KDM3A: variants seen among roughly 807,000 people sequenced by gnomAD.
KDM3A encodes lysine demethylase 3A, also known as lysine-specific demethylase 3A.
A neutral mutation model predicts 158.0 loss-of-function variants in KDM3A; 60 were observed. The observed-to-expected ratio is 0.38, with a 90% CI of 0.31 to 0.47. The LOEUF (loss-of-function observed/expected upper bound fraction) is 0.47. Ranked by LOEUF, KDM3A falls within the 20% of genes least tolerant of loss-of-function variation. KDM3A has a pLI of 0.99. For missense variants in KDM3A, 1,319 were observed against 1,574.3 expected, an observed-to-expected ratio of 0.84 and a Z score of 2.74; for synonymous variants, 608 against 549.3, an observed-to-expected ratio of 1.11 and a Z score of -1.49.
intron 2 of KDM3A, chr2:86,442,518 C>T: frequency 6.8e-6 from 2 of 293,552 alleles, no homozygotes; most frequent in South Asian, 6.8e-5. Flanking sequence ...CTCATCTTTA[C>T]TGCAGAGGAG....
chr2:86,454,682 C>T (rs1672612143), intron 4 of KDM3A, among the ~76,000 whole-genome samples: 1 of 151,864 alleles, frequency 6.6e-6, no homozygotes, highest in Non-Finnish European at 1.5e-5. Flanking sequence ...TGTGTCATAT[C>T]TGTGTTTTTT....
chr2:86,450,051 A>G (rs1672376756), intron 3 of KDM3A, 89 bp downstream of exon 3: 1 of 1,325,830 alleles, frequency 7.5e-7, no homozygotes, highest in Non-Finnish European at 1.0e-6. Context: ...GTAATGCCAG[A>G]AAGTCAGAAA....
chr2:86,482,769 C>T, intron 18 of KDM3A, 75 bp downstream of exon 18: 1 of 1,365,848 alleles, frequency 7.3e-7, no homozygotes, highest in South Asian at 1.2e-5. Context: ...TCTGACAACC[C>T]CACCCCAGGC....
intron 10 of KDM3A, among the ~76,000 whole-genome samples, chr2:86,467,665 T>C (rs1417611183): frequency 6.6e-6 from 1 of 152,224 alleles, no homozygotes; most frequent in African/African-American, 2.4e-5. Context: ...GGTTTAGAGC[T>C]ATTAGAATTT....
intron 5 of KDM3A, among the ~76,000 whole-genome samples, chr2:86,456,152 ATAG>A (rs1390493451): frequency 2.6e-5 from 4 of 151,952 alleles, no homozygotes; most frequent in African/African-American, 7.3e-5. Flanking sequence ...ATTATCAGAC[ATAG>A]TATTTTTGTT....
intron 12 of KDM3A, among the ~76,000 whole-genome samples, chr2:86,475,470 T>C (rs181862130): frequency 6.6e-6 from 1 of 152,316 alleles, no homozygotes; most frequent in Non-Finnish European, 1.5e-5. Flanking sequence ...TTGAAGGGAA[T>C]ACTTGGAGGT....
chr2:86,467,601 T>C (rs1673210752), intron 10 of KDM3A, among the ~76,000 whole-genome samples: 1 of 152,214 alleles, frequency 6.6e-6, no homozygotes, highest in Non-Finnish European at 1.5e-5. Context: ...GTGGTAGTTA[T>C]CAGAAGCTCT....
intron 11 of KDM3A, 72 bp from the exon 12 acceptor site, chr2:86,474,704 T>TGA (rs1673579492): frequency 2.1e-6 from 1 of 475,144 alleles, no homozygotes; most frequent in Admixed American, 3.4e-5. Context: ...AAATAAGTTG[T>TGA]GTGTGTGTGT....
chr2:86,455,015 C>A (rs985680710), intron 4 of KDM3A, 70 bp from the exon 5 acceptor site: 1 of 844,952 alleles, frequency 1.2e-6, no homozygotes, highest in Admixed American at 2.8e-5. Flanking sequence ...ATTGAAATAG[C>A]CCACTGGAAT....
At chr2:86,451,017 T>C in intron 3 of KDM3A, 86 bp from the exon 4 acceptor site, 2 of 805,708 alleles carry the variant, frequency 2.5e-6, no homozygotes, top group South Asian at 3.8e-5. Flanking sequence ...TTTATCACTT[T>C]CTCTGTGTGT....
At chr2:86,446,510 A>T (rs1682962527) in intron 2 of KDM3A, among the ~76,000 whole-genome samples, 1 of 152,160 alleles carries the variant, frequency 6.6e-6, no homozygotes, top group African/African-American at 2.4e-5. Context: ...GGAGTTCAAG[A>T]CCAACCTGGC....
At chr2:86,474,660 T>C (rs1262690082) in intron 11 of KDM3A, 116 bp from the exon 12 acceptor site, 67 of 649,500 alleles carry the variant, frequency 1.0e-4, no homozygotes, top group Non-Finnish European at 1.5e-4. Context: ...CGAGACTCCA[T>C]CCCAAAAAAA....
At position 86,479,853 on chromosome 2, in the gene KDM3A, G is replaced by T. The variant is rs555029067; in HGVS notation, c.2317-314G>T. On this transcript the variant is annotated intron_variant, in intron 15 of 25. Coordinates refer to ENST00000312912, the MANE Select transcript of KDM3A (RefSeq NM_018433.6). The stretch of plus-strand genomic sequence containing the variant: ...TGAATTCTGGGATGAGTTCATAGGG[G>T]AGACAGGCACAAACTGGTCATTTTA... The T allele has an allele frequency of 5.6e-4, 146 of 259,864 alleles. 1 individual carries two copies. The highest frequency in any genetic ancestry group is 3.1e-3 in the African/African-American group (138 of 44,592). The allele number at this position is 259,864 out of a possible 1,614,324, so 16.1% of individuals were successfully genotyped here. A position where few individuals can be genotyped will look rare whatever the true frequency, so the allele number is the denominator to read the frequency against.
upstream of KDM3A, among the ~76,000 whole-genome samples, chr2:86,437,964 A>G (rs1361931682): frequency 6.6e-6 from 1 of 152,030 alleles, no homozygotes; most frequent in East Asian, 1.9e-4. Flanking sequence ...TTTACATTGT[A>G]TTATTTTTCT....
intron 14 of KDM3A, 41 bp from the exon 15 acceptor site, chr2:86,478,567 T>C: frequency 6.2e-7 from 1 of 1,607,666 alleles, no homozygotes; most frequent in South Asian, 1.1e-5. Context: ...TGAAAGTTCC[T>C]AATATCCTTG....
At chr2:86,470,720 C>G (rs1673363235) in intron 11 of KDM3A, among the ~76,000 whole-genome samples, 1 of 152,152 alleles carries the variant, frequency 6.6e-6, no homozygotes, top group Non-Finnish European at 1.5e-5. Flanking sequence ...TTTCAGTGCA[C>G]TGTATGATCA....
Position 86,484,945 on chromosome 2 carries a change from G to A in KDM3A, c.3098G>A (p.Arg1033His), listed in dbSNP as rs1674112005. The A allele has an allele frequency of 1.3e-6, 2 of 1,593,784 alleles. No homozygotes were observed. The highest frequency in any genetic ancestry group is 8.6e-7 in the Non-Finnish European group (1 of 1,162,106). Residue 1033 changes from arginine to histidine, a missense_variant, in exon 20 of 26, where the codon CGT becomes CAT. Physicochemically the swap from Arg to His is conservative, Grantham distance 29. This residue lies in a region of KDM3A where 368 missense variants were observed against 415.8 expected (regional missense o/e 0.89). Transcript: ENST00000312912. ...GTTCATTCTGTTTACCTTTCAGATC[G>A]TTTGAAAAATGAAAAAGAACCAATG... The part of the protein sequence containing the change: ...FWDGFEDVPN[R>H]LKNEKEPMVL...
chr2:86,472,293 A>G (rs1020943616), intron 11 of KDM3A, among the ~76,000 whole-genome samples: 3 of 152,048 alleles, frequency 2.0e-5, no homozygotes, highest in African/African-American at 7.3e-5. Context: ...AGTAGAAGCC[A>G]GTGTAGTAGA....
intron 1 of KDM3A, 138 bp downstream of exon 1, chr2:86,441,582 CCGGGGCGGGGCGG>C (rs1220638106): frequency 6.6e-6 from 1 of 150,898 alleles, no homozygotes; most frequent in South Asian, 2.1e-4. Flanking sequence ...GAGCTGGGCG[CCGGGGCGGGGCGG>C]CGGGGCAAGT....
Sources: allele counts gnomAD v4.1 joint callset (sites outside exome capture counted in the v4.1 genomes callset), GRCh38; gene constraint gnomAD v4.1.1; regional missense constraint gnomAD v4.1.1; transcripts MANE v1.5; gene names NCBI Gene and HGNC (gene_info 2026-07-23, HGNC 2026-07-21).